PTPRN2: variants seen among roughly 807,000 people sequenced by gnomAD.
PTPRN2 encodes the protein receptor-type tyrosine-protein phosphatase N2.
PTPRN2 carries 74 observed loss-of-function variants against 118.8 expected under a neutral mutation model. That is an observed-to-expected ratio of 0.62 (90% CI 0.52 to 0.76). The LOEUF is 0.76. PTPRN2 is among the 30% of genes least tolerant of loss of function. The pLI is 0.00. For missense variants in PTPRN2, 1,481 were observed against 1,394.4 expected (o/e 1.06, Z -0.99); for synonymous variants, 641 against 608.0 (o/e 1.05, Z -0.80).
chr7:157,651,525 G>T (rs1474238663), intron 14 of PTPRN2, among the ~76,000 whole-genome samples: 1 of 152,164 alleles, frequency 6.6e-6, no homozygotes, highest in African/African-American at 2.4e-5. Flanking sequence ...AGCCTTTAAA[G>T]GTGGACGCGG....
At chr7:157,656,280 A>G (rs1294169959) in intron 14 of PTPRN2, 77 bp downstream of exon 14, 1 of 1,404,526 alleles carries the variant, frequency 7.1e-7, no homozygotes, top group Non-Finnish European at 9.7e-7. Context: ...CAGCGGGCGC[A>G]GATGCTGGGT....
At chr7:157,559,831 C>T (rs1242298781) in intron 21 of PTPRN2, among the ~76,000 whole-genome samples, 1 of 152,168 alleles carries the variant, frequency 6.6e-6, no homozygotes, top group Non-Finnish European at 1.5e-5. Flanking sequence ...CTGTGGCCCC[C>T]CCCGCCCCGT....
At chr7:158,224,982 C>G (rs1037882946) in intron 3 of PTPRN2, among the ~76,000 whole-genome samples, 6 of 152,134 alleles carry the variant, frequency 3.9e-5, no homozygotes, top group Non-Finnish European at 5.9e-5. Context: ...ACCATCATCT[C>G]ATCAGGGAAA....
At chr7:158,476,929 A>C (rs1820313617) in intron 2 of PTPRN2, among the ~76,000 whole-genome samples, 1 of 152,222 alleles carries the variant, frequency 6.6e-6, no homozygotes, top group Non-Finnish European at 1.5e-5. Flanking sequence ...TGAGACCCAA[A>C]CTGAGCTGAA....
At chr7:158,484,764 C>G (rs1820882136) in intron 2 of PTPRN2, among the ~76,000 whole-genome samples, 4 of 152,212 alleles carry the variant, frequency 2.6e-5, no homozygotes. Flanking sequence ...GTCAGTGTGC[C>G]GGTGCTTCCT....
Position 157,676,317 on chromosome 7 carries a change from C to G in PTPRN2, c.2001+6408G>C, listed in dbSNP as rs1161891318. 1.3e-5 allele frequency among the ~76,000 whole-genome samples: 2 copies of G among 152,144 alleles called. No homozygotes were observed. Among genetic ancestry groups the G allele is most frequent in the Non-Finnish European group, 2.9e-5 (2 of 68,018 alleles). On this transcript the variant is annotated intron_variant, in intron 13 of 22. Transcript: ENST00000389418. The surrounding 1 kb of genome is among the most constrained non-coding windows in gnomAD (Gnocchi z 5.6). ...CACGCCTCCATCTCCCGCCAGCCGC[C>G]AAGAGCTCCACCCACCACCTGGCCC...
At chr7:158,424,976 T>C (rs1815590554) in intron 2 of PTPRN2, among the ~76,000 whole-genome samples, 1 of 152,084 alleles carries the variant, frequency 6.6e-6, no homozygotes, top group African/African-American at 2.4e-5. Flanking sequence ...GGGGCCCGGG[T>C]GTTTCGGAGA....
chr7:157,951,202 C>T (rs117212291), intron 11 of PTPRN2, among the ~76,000 whole-genome samples: 39 of 152,264 alleles, frequency 2.6e-4, no homozygotes, highest in Non-Finnish European at 4.1e-4. Flanking sequence ...CACTCTAATA[C>T]GGTTCAGAGA....
intron 12 of PTPRN2, among the ~76,000 whole-genome samples, chr7:157,702,841 G>A (rs1001034358): frequency 2.6e-5 from 4 of 152,146 alleles, no homozygotes; most frequent in Non-Finnish European, 5.9e-5. Flanking sequence ...CTCTGGCCCC[G>A]CGTCCCTCAG....
intron 12 of PTPRN2, among the ~76,000 whole-genome samples, chr7:157,866,834 C>G (rs1441424961): frequency 1.3e-4 from 12 of 89,608 alleles, no homozygotes; most frequent in South Asian, 4.7e-4. Flanking sequence ...ACCACCGCCC[C>G]CCCCCGACGC....
chr7:158,319,731 T>A (rs59425885), intron 2 of PTPRN2, among the ~76,000 whole-genome samples: 1 of 2,352 alleles, frequency 4.3e-4, no homozygotes, highest in Non-Finnish European at 1.1e-3. Flanking sequence ...TCACACACAC[T>A]CACAGTCTCC....
At chr7:158,442,323 C>A (rs887391106) in intron 2 of PTPRN2, among the ~76,000 whole-genome samples, 1 of 152,104 alleles carries the variant, frequency 6.6e-6, no homozygotes, top group African/African-American at 2.4e-5. Flanking sequence ...AGCCTGAGAA[C>A]CCTGAAATGC....
At chr7:157,900,165 C>T (rs540951236) in intron 11 of PTPRN2, among the ~76,000 whole-genome samples, 11 of 152,198 alleles carry the variant, frequency 7.2e-5, no homozygotes, top group African/African-American at 1.2e-4. Flanking sequence ...TCCAATCTGC[C>T]GGGGAGCGCC....
intron 12 of PTPRN2, among the ~76,000 whole-genome samples, chr7:157,739,758 CTG>C (rs1800513316): frequency 6.6e-6 from 1 of 152,238 alleles, no homozygotes; most frequent in Non-Finnish European, 1.5e-5. Context: ...GGTCACCATA[CTG>C]TGTTTTTGGG....
chr7:158,187,556 A>G (rs573689149), intron 5 of PTPRN2, among the ~76,000 whole-genome samples: 1 of 152,332 alleles, frequency 6.6e-6, no homozygotes, highest in Admixed American at 6.5e-5. Context: ...GTCTTTGTTC[A>G]TTAGCAAGAT....
chr7:157,762,735 A>T (rs1353137919), intron 12 of PTPRN2, among the ~76,000 whole-genome samples: 1 of 152,020 alleles, frequency 6.6e-6, no homozygotes, highest in African/African-American at 2.4e-5. Context: ...CCTAAAACTT[A>T]AAGTATAATA....
At chr7:158,461,482 C>A (rs113522415) in intron 2 of PTPRN2, among the ~76,000 whole-genome samples, 14,788 of 141,868 alleles carry the variant, frequency 0.1, 801 homozygotes, top group Middle Eastern at 0.13. Context: ...GGCAACAGAG[C>A]GAGACTCCGT....
At chr7:157,795,056 T>TG (rs1221637933) in intron 12 of PTPRN2, among the ~76,000 whole-genome samples, 1 of 135,230 alleles carries the variant, frequency 7.4e-6, no homozygotes, top group African/African-American at 2.8e-5. Flanking sequence ...GGGGATGGGG[T>TG]GGGGGTGTCA....
At chr7:158,063,264 G>C (rs1810498371) in intron 11 of PTPRN2, among the ~76,000 whole-genome samples, 1 of 151,616 alleles carries the variant, frequency 6.6e-6, no homozygotes, top group African/African-American at 2.4e-5. Context: ...CAGCACTCTT[G>C]TGTCTAGCTA....
Sources: gnomAD v4.1 joint callset for allele counts (sites outside exome capture counted in the v4.1 genomes callset) on GRCh38, gnomAD v4.1.1 for gene constraint, Gnocchi (gnomAD v3.1) non-coding constraint, MANE v1.5 for transcripts, NCBI Gene and HGNC (gene_info 2026-07-23, HGNC 2026-07-21) for gene names.